PCDH7: variants seen among roughly 807,000 people sequenced by gnomAD.
PCDH7 encodes protocadherin 7.
A neutral mutation model predicts 58.9 loss-of-function variants in PCDH7; 17 were observed. The ratio of observed to expected loss-of-function variants is 0.29; its 90% CI spans 0.20 to 0.43. The LOEUF (loss-of-function observed/expected upper bound fraction) is 0.43, where lower values mean the gene tolerates loss of function less well. Ranked by LOEUF, PCDH7 falls within the 20% of genes least tolerant of loss-of-function variation. The pLI, the probability that PCDH7 is intolerant of heterozygous loss-of-function variation, is 1.00. For synonymous variants in PCDH7, 664 were observed against 616.4 expected (o/e 1.08, Z -1.14); for missense variants, 1,274 against 1,441.0 (o/e 0.88, Z 1.88).
At chr4:31,138,227 C>T (rs557910705) in intron 3 of PCDH7, among the ~76,000 whole-genome samples, 21 of 152,142 alleles carry the variant, frequency 1.4e-4, no homozygotes, top group African/African-American at 5.1e-4. Flanking sequence ...ATCCATCTAC[C>T]CTGCCTAGTA....
intron 1 of PCDH7, among the ~76,000 whole-genome samples, chr4:30,803,511 C>T (rs959557540): frequency 4.6e-5 from 7 of 152,100 alleles, no homozygotes; most frequent in Non-Finnish European, 7.4e-5. Flanking sequence ...CATTATGGCT[C>T]ACTGCAACCT....
intron 3 of PCDH7, among the ~76,000 whole-genome samples, chr4:31,090,718 T>C (rs10015512): frequency 0.18 from 27,368 of 152,038 alleles, 4,602 homozygotes; most frequent in African/African-American, 0.44. Context: ...ATTTTGATCA[T>C]TGTTTTTTAA....
chr4:31,122,089 C>T (rs1458269101), intron 3 of PCDH7, among the ~76,000 whole-genome samples: 1 of 151,978 alleles, frequency 6.6e-6, no homozygotes, highest in Non-Finnish European at 1.5e-5. Flanking sequence ...TATCTGGACA[C>T]ACCGTGAGCA....
rs78418288 is a variant in PCDH7 at position 31,087,760 on chromosome 4, C to T, written c.*8-54713C>T. ...TCTTGTCGCCGTTTTTGCATTCAGA[C>T]GAATTACATTAAAACATTTTATTTT... On this transcript the variant is annotated intron_variant, in intron 3 of 3. Transcript: ENST00000509759. 6.1e-3 allele frequency among the ~76,000 whole-genome samples: 935 copies of T among 152,058 alleles called. 5 individuals are homozygous for T. The highest frequency in any genetic ancestry group is 0.021 in the African/African-American group (866 of 41,476).
chr4:30,924,923 C>A (rs1447368640), intron 2 of PCDH7, among the ~76,000 whole-genome samples: 2 of 151,504 alleles, frequency 1.3e-5, no homozygotes, highest in Non-Finnish European at 2.9e-5. Flanking sequence ...ATCCATAAAC[C>A]AGGTTTATAA....
In PCDH7 at chr4:30,862,156, A is replaced by G. The variant is rs562957535; in HGVS notation, c.71-57997A>G. Among the ~76,000 whole-genome samples the G allele has an allele frequency of 3.3e-4, 51 of 152,268 alleles. 1 individual carries two copies. In the South Asian group the frequency reaches 9.9e-3, roughly 30 times the overall value. On this transcript the variant is annotated intron_variant, in intron 1 of 3. Coordinates refer to the PCDH7 transcript ENST00000509759. ...CTTGGTCTTCCAGCTTACCCATGAT[A>G]TATTTCCTTAAACTGGAATATAAAC...
intron 3 of PCDH7, among the ~76,000 whole-genome samples, chr4:30,962,776 TA>T (rs57257786): frequency 0.08 from 5,657 of 70,592 alleles, 341 homozygotes; most frequent in African/African-American, 0.17. Flanking sequence ...GACCCAGTCT[TA>T]AAAAAAAAAA....
intron 1 of PCDH7, among the ~76,000 whole-genome samples, chr4:30,803,330 T>C (rs1466250538): frequency 6.6e-6 from 1 of 152,122 alleles, no homozygotes; most frequent in African/African-American, 2.4e-5. Context: ...CAAACCTAAA[T>C]AGGGGAATAT....
chr4:30,894,041 C>T (rs1214768667), intron 1 of PCDH7, among the ~76,000 whole-genome samples: 2 of 152,096 alleles, frequency 1.3e-5, no homozygotes, highest in Admixed American at 6.6e-5. Context: ...ATCTTGCAAA[C>T]TTCCCCAAAT....
intron 3 of PCDH7, among the ~76,000 whole-genome samples, chr4:31,092,560 C>A (rs1186084952): frequency 6.6e-6 from 1 of 152,056 alleles, no homozygotes; most frequent in East Asian, 1.9e-4. Flanking sequence ...GGGTTAAAGA[C>A]CTTTTTGCTG....
At chr4:30,866,143 T>G (rs1411956897) in intron 1 of PCDH7, among the ~76,000 whole-genome samples, 1 of 152,082 alleles carries the variant, frequency 6.6e-6, no homozygotes, top group African/African-American at 2.4e-5. Context: ...CTCTTTCTAC[T>G]TCCTTCCATT....
At position 30,826,562 on chromosome 4, in the gene PCDH7, G is replaced by A. The variant is rs1032288387; in HGVS notation, c.71-93591G>A. The stretch of plus-strand genomic sequence containing the variant: ...TCACTGTGGAAATAAGAGGCAGGAG[G>A]TTTCTTCTTTGGGGGATTCACCCAG... On this transcript the variant is annotated intron_variant, in intron 1 of 3. Coordinates refer to the PCDH7 transcript ENST00000509759. Among the ~76,000 whole-genome samples the A allele has an allele frequency of 5.9e-5, 9 of 152,140 alleles. No homozygotes were observed. The South Asian group carries it at 1.7e-3, about 28-fold the overall frequency.
At chr4:31,069,292 T>A (rs570508847) in intron 3 of PCDH7, among the ~76,000 whole-genome samples, 1 of 152,152 alleles carries the variant, frequency 6.6e-6, no homozygotes, top group South Asian at 2.1e-4. Context: ...CTTGCTTTAT[T>A]CTGGTGAAAG....
At chr4:30,751,022 G>A (rs1311545689) in intron 1 of PCDH7, among the ~76,000 whole-genome samples, 3 of 152,118 alleles carry the variant, frequency 2.0e-5, no homozygotes, top group African/African-American at 7.2e-5. Context: ...TGGTGCAGAA[G>A]CAGTGGACAA....
chr4:31,120,359 C>G (rs1306576859), intron 3 of PCDH7, among the ~76,000 whole-genome samples: 2 of 147,558 alleles, frequency 1.4e-5, no homozygotes, highest in Non-Finnish European at 3.0e-5. Flanking sequence ...TTCCTTTCCT[C>G]TTTTTATTTT....
At chr4:30,734,939 G>A (rs1429309875), downstream of PCDH7, among the ~76,000 whole-genome samples, 11 of 152,048 alleles carry the variant, frequency 7.2e-5, no homozygotes, top group Admixed American at 7.2e-4. Context: ...TGTGTTGGCC[G>A]GAGTCCCTGC....
At chr4:30,973,317 G>A (rs554985758) in intron 3 of PCDH7, among the ~76,000 whole-genome samples, 53 of 152,162 alleles carry the variant, frequency 3.5e-4, no homozygotes, top group Non-Finnish European at 6.2e-4. Flanking sequence ...GAAGACAGGG[G>A]ATATTGGTGT....
intron 3 of PCDH7, among the ~76,000 whole-genome samples, chr4:31,056,974 G>T (rs1269905542): frequency 6.6e-6 from 1 of 152,088 alleles, no homozygotes; most frequent in East Asian, 1.9e-4. Context: ...ATTCATTTGT[G>T]TTACGTATTA....
chr4:31,107,858 G>A (rs188889227), intron 3 of PCDH7, among the ~76,000 whole-genome samples: 142 of 152,036 alleles, frequency 9.3e-4, no homozygotes, highest in Non-Finnish European at 1.0e-3. Context: ...CTTTCTCACC[G>A]GAATTTTGTG....
Sources: allele counts gnomAD v4.1 joint callset (sites outside exome capture counted in the v4.1 genomes callset), GRCh38; gene constraint gnomAD v4.1.1; transcripts MANE v1.5; gene names NCBI Gene and HGNC (gene_info 2026-07-23, HGNC 2026-07-21).